PDZRN4: variants seen among roughly 807,000 people sequenced by gnomAD.
PDZRN4 encodes PDZ domain-containing RING finger protein 4.
In PDZRN4, 70 loss-of-function variants were observed where a neutral mutation model predicts 99.0. The ratio of observed to expected loss-of-function variants is 0.71; its 90% CI spans 0.58 to 0.86. PDZRN4 has a LOEUF of 0.86. Ranked by LOEUF, PDZRN4 falls within the 40% of genes least tolerant of loss-of-function variation. The pLI is 0.00. For synonymous variants in PDZRN4, 551 were observed against 501.6 expected (o/e 1.10, Z -1.32); for missense variants, 1,474 against 1,331.2 (o/e 1.11, Z -1.67).
chr12:41,269,645 T>C (rs1951300576), intron 3 of PDZRN4, among the ~76,000 whole-genome samples: 1 of 152,172 alleles, frequency 6.6e-6, no homozygotes, highest in South Asian at 2.1e-4. Flanking sequence ...CTGGCGTCAG[T>C]TTCTCCATGT....
chr12:41,523,591 A>G (rs941986698), intron 5 of PDZRN4, among the ~76,000 whole-genome samples: 1 of 152,130 alleles, frequency 6.6e-6, no homozygotes, highest in African/African-American at 2.4e-5. Flanking sequence ...AGGGGGCAAC[A>G]ACATGGTGCC....
chr12:41,352,120 T>C (rs568674459), intron 3 of PDZRN4, among the ~76,000 whole-genome samples: 1 of 152,120 alleles, frequency 6.6e-6, no homozygotes, highest in African/African-American at 2.4e-5. Flanking sequence ...CGTGTGGTCA[T>C]GTAAGATACT....
At position 41,370,311 on chromosome 12, in the gene PDZRN4, T is replaced by C. The variant is rs533890719; in HGVS notation, c.844-136145T>C. On this transcript the variant is annotated intron_variant, in intron 3 of 9. Coordinates refer to ENST00000402685, the MANE Select transcript of PDZRN4 (RefSeq NM_001164595.2). ...TGCATTTTGTTTTTCATACTGATAA[T>C]TTATTTATCTGATCACTCTCCTATA... Among the ~76,000 whole-genome samples, 34 of 152,106 alleles carry C rather than the reference T, an allele frequency of 2.2e-4. No individual in the cohort carries two copies. In the South Asian group the frequency reaches 7.0e-3, roughly 32 times the overall value.
At chr12:41,354,207 A>T (rs1259251408) in intron 3 of PDZRN4, among the ~76,000 whole-genome samples, 2 of 152,128 alleles carry the variant, frequency 1.3e-5, no homozygotes, top group African/African-American at 4.8e-5. Context: ...GTAATAAGGT[A>T]GGTGTCAGGT....
At chr12:41,331,518 A>G (rs1288925921) in intron 3 of PDZRN4, among the ~76,000 whole-genome samples, 1 of 151,988 alleles carries the variant, frequency 6.6e-6, no homozygotes, top group Non-Finnish European at 1.5e-5. Context: ...GAAAGGAGGG[A>G]AAAAAAGAAG....
chr12:41,562,545 C>T (rs1393574866), intron 7 of PDZRN4, among the ~76,000 whole-genome samples: 2 of 151,860 alleles, frequency 1.3e-5, no homozygotes, highest in Non-Finnish European at 2.9e-5. Context: ...AATTTCTTTC[C>T]CATTATTTGA....
chr12:41,447,018 C>T (rs1046140553), intron 3 of PDZRN4, among the ~76,000 whole-genome samples: 2 of 151,966 alleles, frequency 1.3e-5, no homozygotes, highest in African/African-American at 4.8e-5. Flanking sequence ...TATGGGACGA[C>T]TATAGTTATT....
chr12:41,525,477 C>T (rs1938553088), intron 5 of PDZRN4, among the ~76,000 whole-genome samples: 1 of 151,966 alleles, frequency 6.6e-6, no homozygotes, highest in African/African-American at 2.4e-5. Context: ...ATGGCTGACA[C>T]ATATGTGAAA....
intron 3 of PDZRN4, among the ~76,000 whole-genome samples, chr12:41,298,133 A>G (rs1047249249): frequency 2.6e-5 from 4 of 152,170 alleles, no homozygotes; most frequent in Non-Finnish European, 5.9e-5. Context: ...TTTTTATATT[A>G]TAGAAACAAT....
chr12:41,337,263 T>G (rs1279727016), intron 3 of PDZRN4, among the ~76,000 whole-genome samples: 1 of 152,064 alleles, frequency 6.6e-6, no homozygotes, highest in Non-Finnish European at 1.5e-5. Flanking sequence ...AAAAGTGGTT[T>G]CAATGTGACT....
At chr12:41,491,463 A>G (rs1181156966) in intron 3 of PDZRN4, among the ~76,000 whole-genome samples, 1 of 152,172 alleles carries the variant, frequency 6.6e-6, no homozygotes, top group East Asian at 1.9e-4. Context: ...TGGAGGTTGC[A>G]GTGAGCCAAG....
chr12:41,384,792 C>T (rs1012383289), intron 3 of PDZRN4, among the ~76,000 whole-genome samples: 27 of 152,158 alleles, frequency 1.8e-4, no homozygotes, highest in Admixed American at 6.5e-5. Flanking sequence ...GACTCAATTT[C>T]ACCCAGGAAA....
At chr12:41,271,146 T>C (rs1388996945) in intron 3 of PDZRN4, among the ~76,000 whole-genome samples, 2 of 152,092 alleles carry the variant, frequency 1.3e-5, no homozygotes, top group African/African-American at 4.8e-5. Context: ...TAAAACAATA[T>C]AGCTATTATT....
chr12:41,554,698 A>G (rs1232846363), intron 6 of PDZRN4, among the ~76,000 whole-genome samples: 1 of 152,134 alleles, frequency 6.6e-6, no homozygotes, highest in Non-Finnish European at 1.5e-5. Context: ...AAATGCTGAT[A>G]AGCTCCTAAT....
chr12:41,504,516 A>G (rs1938170387), intron 3 of PDZRN4, among the ~76,000 whole-genome samples: 1 of 152,162 alleles, frequency 6.6e-6, no homozygotes, highest in South Asian at 2.1e-4. Flanking sequence ...ACTGACCACA[A>G]TATGAAACAT....
chr12:41,476,794 A>G lies in PDZRN4; in HGVS notation c.844-29662A>G, dbSNP rs922961838. 3.6e-4 allele frequency among the ~76,000 whole-genome samples: 55 copies of G among 152,156 alleles called. 1 individual carries two copies. Among genetic ancestry groups the G allele is most frequent in the Non-Finnish European group, 8.8e-5 (6 of 68,036 alleles). On this transcript the variant is annotated intron_variant, in intron 3 of 9. Coordinates refer to ENST00000402685, the MANE Select transcript of PDZRN4 (RefSeq NM_001164595.2). ...TTCCCATGCCTGCCTGGCGGCCTCG[A>G]TCTCCAATTAAGCATCTGTGGAAGC...
At chr12:41,319,404 C>T (rs1040625473) in intron 3 of PDZRN4, among the ~76,000 whole-genome samples, 10 of 152,100 alleles carry the variant, frequency 6.6e-5, no homozygotes, top group African/African-American at 2.4e-4. Flanking sequence ...AGCTAGGTCA[C>T]TGGGGGCCTG....
intron 5 of PDZRN4, among the ~76,000 whole-genome samples, chr12:41,518,189 C>T (rs1938435772): frequency 6.6e-6 from 1 of 152,016 alleles, no homozygotes; most frequent in Non-Finnish European, 1.5e-5. Context: ...ACTCTGGTTT[C>T]TGGTTACATA....
intron 3 of PDZRN4, among the ~76,000 whole-genome samples, chr12:41,295,178 A>T (rs1379091524): frequency 6.6e-6 from 1 of 152,180 alleles, no homozygotes; most frequent in African/African-American, 2.4e-5. Flanking sequence ...GAACTTCAGA[A>T]GTTTATCTTC....
Sources: allele counts gnomAD v4.1 joint callset (sites outside exome capture counted in the v4.1 genomes callset), GRCh38; gene constraint gnomAD v4.1.1; transcripts MANE v1.5; gene names NCBI Gene and HGNC (gene_info 2026-07-23, HGNC 2026-07-21).